NMNAT2: variants seen among roughly 807,000 people sequenced by gnomAD.
NMNAT2 encodes the protein nicotinamide nucleotide adenylyltransferase 2.
A neutral mutation model predicts 41.6 loss-of-function variants in NMNAT2; 11 were observed. The observed-to-expected ratio is 0.26, with a 90% CI of 0.17 to 0.44. The LOEUF is 0.44. NMNAT2 is among the 20% of genes least tolerant of loss of function. The pLI is 1.00. For missense variants in NMNAT2, 288 were observed against 407.7 expected (o/e 0.71, Z 2.53); for synonymous variants, 148 against 151.2 (o/e 0.98, Z 0.16).
chr1:183,280,616 G>A (rs147560519), intron 7 of NMNAT2, among the ~76,000 whole-genome samples: 43 of 151,662 alleles, frequency 2.8e-4, no homozygotes, highest in African/African-American at 1.0e-3. Context: ...TCAAACTCCT[G>A]ACCTCAAGTG....
intron 1 of NMNAT2, among the ~76,000 whole-genome samples, chr1:183,416,102 T>C (rs1458855982): frequency 1.3e-5 from 2 of 152,260 alleles, no homozygotes; most frequent in Non-Finnish European, 2.9e-5. Flanking sequence ...CCACATAGTC[T>C]ATCCTTGAAG....
rs1363040702 is a variant in NMNAT2 at position 183,293,774 on chromosome 1, C to T, written c.105G>A (p.Leu35=). Residue 35 remains leucine, a synonymous_variant, in exon 2 of 11, where the codon CTG becomes CTA. Transcript: ENST00000287713. The stretch of plus-strand genomic sequence containing the variant: ...TCACAATAAACCTTCCAGTTTTGTG[C>T]AGATAATCCCTGGCTCTTTCTAATT... The part of the protein sequence containing the change: ...IQMFERARDY[L]HKTGRFIVIG... 16 of 1,613,570 alleles carry T rather than the reference C, an allele frequency of 9.9e-6. No individual in the cohort carries two copies. The highest frequency in any genetic ancestry group is 1.2e-5 in the Non-Finnish European group (14 of 1,179,590).
intron 1 of NMNAT2, among the ~76,000 whole-genome samples, chr1:183,412,071 G>C (rs1649131905): frequency 6.6e-6 from 1 of 152,200 alleles, no homozygotes; most frequent in Non-Finnish European, 1.5e-5. Flanking sequence ...GGTGGAGGTG[G>C]GGGGCAGAGT....
At chr1:183,371,487 C>A (rs1224641605) in intron 1 of NMNAT2, among the ~76,000 whole-genome samples, 1 of 152,138 alleles carries the variant, frequency 6.6e-6, no homozygotes, top group Non-Finnish European at 1.5e-5. Flanking sequence ...TGTGTGGATG[C>A]CGCTCCATCA....
At chr1:183,287,522 G>C (rs889095661) in intron 4 of NMNAT2, among the ~76,000 whole-genome samples, 23 of 152,198 alleles carry the variant, frequency 1.5e-4, no homozygotes, top group African/African-American at 5.6e-4. Context: ...ATTGTCCTGA[G>C]TTATCTGCCA....
At chr1:183,402,732 A>T (rs1390681443) in intron 1 of NMNAT2, among the ~76,000 whole-genome samples, 1 of 151,582 alleles carries the variant, frequency 6.6e-6, no homozygotes, top group Non-Finnish European at 1.5e-5. Flanking sequence ...TCCCCCCTCC[A>T]CTCCCTCAAG....
intron 5 of NMNAT2, 142 bp downstream of exon 5, chr1:183,286,520 C>A: frequency 1.6e-6 from 1 of 639,104 alleles, no homozygotes; most frequent in Non-Finnish European, 2.6e-6. Flanking sequence ...GCAGCATCAG[C>A]AGCACCTTAT....
intron 1 of NMNAT2, among the ~76,000 whole-genome samples, chr1:183,319,487 G>A (rs1662317177): frequency 6.6e-6 from 1 of 152,254 alleles, no homozygotes; most frequent in African/African-American, 2.4e-5. Flanking sequence ...GAGGCAGCAG[G>A]AGAGTCACAA....
chr1:183,411,785 C>T (rs770479745), intron 1 of NMNAT2, among the ~76,000 whole-genome samples: 3 of 151,948 alleles, frequency 2.0e-5, no homozygotes, highest in Non-Finnish European at 2.9e-5. Flanking sequence ...GTGATAAGTA[C>T]GAAGGGGAAA....
chr1:183,357,026 TA>T (rs1261729501), intron 1 of NMNAT2, among the ~76,000 whole-genome samples: 2 of 152,072 alleles, frequency 1.3e-5, no homozygotes, highest in Admixed American at 1.3e-4. Context: ...ACAGATAATA[TA>T]AAAATGAATA....
intron 1 of NMNAT2, among the ~76,000 whole-genome samples, chr1:183,378,040 T>C (rs1030516649): frequency 2.0e-5 from 3 of 152,170 alleles, no homozygotes; most frequent in African/African-American, 4.8e-5. Context: ...AACTTGAAGA[T>C]AGGTCAATAG....
chr1:183,288,762 GT>G (rs1235066690), intron 4 of NMNAT2, among the ~76,000 whole-genome samples: 2 of 152,244 alleles, frequency 1.3e-5, no homozygotes, highest in African/African-American at 4.8e-5. Context: ...TTTTAGGGAT[GT>G]TTGTCACCAC....
intron 1 of NMNAT2, among the ~76,000 whole-genome samples, chr1:183,347,419 G>A (rs1032100182): frequency 2.0e-5 from 3 of 152,036 alleles, no homozygotes; most frequent in South Asian, 2.1e-4. Flanking sequence ...TCGTACCACC[G>A]CACTCCAGTC....
chr1:183,375,613 C>T (rs1006191828), intron 1 of NMNAT2, among the ~76,000 whole-genome samples: 1 of 152,234 alleles, frequency 6.6e-6, no homozygotes, highest in Non-Finnish European at 1.5e-5. Context: ...CCTGCAGCCT[C>T]CCCTATCTCC....
At chr1:183,281,275 T>C (rs1214315270) in intron 7 of NMNAT2, among the ~76,000 whole-genome samples, 2 of 152,124 alleles carry the variant, frequency 1.3e-5, no homozygotes, top group African/African-American at 2.4e-5. Flanking sequence ...CATTGGGCAA[T>C]GTCTGGACAT....
At chr1:183,271,976 C>T (rs1344030834) in intron 8 of NMNAT2, among the ~76,000 whole-genome samples, 4 of 152,156 alleles carry the variant, frequency 2.6e-5, no homozygotes, top group African/African-American at 9.7e-5. Flanking sequence ...TGGTTTTGAA[C>T]TCCTGACCTT....
chr1:183,398,773 A>G (rs1393936438), intron 1 of NMNAT2, among the ~76,000 whole-genome samples: 2 of 152,228 alleles, frequency 1.3e-5, no homozygotes, highest in Non-Finnish European at 2.9e-5. Context: ...AAAACTGCTC[A>G]ACTACATGGA....
rs575942930 is a variant in NMNAT2, at chr1:183,325,962, T to G, written c.86-32169A>C. ...ATGTCCCTGCCACGAGTTTACAACC[T>G]GGGGAGGGAGACAAACAGCACACAA... is the stretch of plus-strand genomic sequence containing the variant. On this transcript the variant is annotated intron_variant, in intron 1 of 10. Transcript: ENST00000287713. Among the ~76,000 whole-genome samples the G allele has an allele frequency of 1.2e-3, 187 of 152,192 alleles. 2 individuals carry two copies. Among genetic ancestry groups the G allele is most frequent in the African/African-American group, 4.0e-3 (165 of 41,530 alleles).
At chr1:183,363,003 G>A (rs1271173821) in intron 1 of NMNAT2, among the ~76,000 whole-genome samples, 1 of 152,062 alleles carries the variant, frequency 6.6e-6, no homozygotes, top group African/African-American at 2.4e-5. Context: ...GGCGTGAAGT[G>A]GTATCTCACT....
Sources: gnomAD v4.1 joint callset for allele counts (sites outside exome capture counted in the v4.1 genomes callset) on GRCh38, gnomAD v4.1.1 for gene constraint, MANE v1.5 for transcripts, NCBI Gene and HGNC (gene_info 2026-07-23, HGNC 2026-07-21) for gene names.